Variants in PTPN11 observed in about 807,000 individuals in gnomAD.
The protein encoded by PTPN11 is tyrosine-protein phosphatase non-receptor type 11.
In PTPN11, 6 loss-of-function variants were observed where a neutral mutation model predicts 78.8. That is an observed-to-expected ratio of 0.08 (90% CI 0.04 to 0.15). The LOEUF is 0.15. Among genes scored for constraint, PTPN11 ranks in the 10% least tolerant of loss-of-function variants. The pLI, the probability that PTPN11 is intolerant of heterozygous loss-of-function variation, is 1.00. For missense variants in PTPN11, 386 were observed against 744.8 expected, an observed-to-expected ratio of 0.52 and a Z score of 5.61; for synonymous variants, 221 against 263.5, an observed-to-expected ratio of 0.84 and a Z score of 1.56.
At position 112,482,229 on chromosome 12, in the gene PTPN11, A is replaced by C. The variant is rs1566183396; in HGVS notation, c.1224+24A>C. On this transcript the variant is annotated intron_variant, in intron 10 of 15. Coordinates refer to ENST00000351677, the MANE Select transcript of PTPN11 (RefSeq NM_002834.5). The surrounding 1 kb of genome is among the most constrained non-coding windows in gnomAD (Gnocchi z 4.4). Reference sequence around the variant, plus strand: ...AAGTAAGTATATTGTCGTATTCTAGAGACTTTGGGAACTGTTGATGGTGTG... The same window carrying C: ...AAGTAAGTATATTGTCGTATTCTAGCGACTTTGGGAACTGTTGATGGTGTG... The C allele has an allele frequency of 6.2e-7, 1 of 1,608,602 alleles. No homozygotes were observed. Among genetic ancestry groups the C allele is most frequent in the African/African-American group, 1.3e-5 (1 of 74,772 alleles).
intron 1 of PTPN11, among the ~76,000 whole-genome samples, chr12:112,424,690 GA>G (rs1187346207): frequency 6.6e-6 from 1 of 151,514 alleles, no homozygotes; most frequent in African/African-American, 2.4e-5. Flanking sequence ...AAGCTGCTTG[GA>G]AAAAAAGGAT....
chr12:112,488,950 T>G, intron 12 of PTPN11, 74 bp from the exon 13 acceptor site: 1 of 1,577,026 alleles, frequency 6.3e-7, no homozygotes, highest in Non-Finnish European at 8.7e-7. Flanking sequence ...CTGAGTCCAC[T>G]AAAAGTTGTG....
chr12:112,436,320 C>A (rs969384163), intron 1 of PTPN11, among the ~76,000 whole-genome samples: 1 of 152,004 alleles, frequency 6.6e-6, no homozygotes, highest in Non-Finnish European at 1.5e-5. Context: ...GTTTTAAATG[C>A]TTTATATGCT....
Position 112,419,276 on chromosome 12 carries a change from C to T in PTPN11, c.14+151C>T, listed in dbSNP as rs1295525241. 8.0e-6 allele frequency: 6 copies of T among 752,464 alleles called. No individual in the cohort carries two copies. In the East Asian group the frequency reaches 2.2e-4, roughly 27 times the overall value. The allele number at this position is 752,464 out of a possible 1,614,324, so 46.6% of individuals were successfully genotyped here. On this transcript the variant is annotated intron_variant, in intron 1 of 15. Transcript: ENST00000351677. ...GGTTCCCTCCTCGTCCCCTCGCCCTCCAGGGGCCGGGGGCCGGCCCCACCG... is the reference window on the plus strand; with the variant it reads ...GGTTCCCTCCTCGTCCCCTCGCCCTTCAGGGGCCGGGGGCCGGCCCCACCG...
intron 6 of PTPN11, among the ~76,000 whole-genome samples, chr12:112,456,295 G>A (rs964229056): frequency 1.5e-4 from 23 of 152,228 alleles, no homozygotes; most frequent in African/African-American, 5.5e-4. Context: ...TGTGCTAGCC[G>A]CTCCATTTGG....
At chr12:112,487,588 C>T (rs1438570337) in intron 11 of PTPN11, among the ~76,000 whole-genome samples, 1 of 152,082 alleles carries the variant, frequency 6.6e-6, no homozygotes, top group Non-Finnish European at 1.5e-5. Context: ...CCAGTTTGGG[C>T]TTCATGATTA....
rs768805690 is a variant in PTPN11 at position 112,504,748 on chromosome 12, A to G, written c.1766A>G (p.Gln589Arg). ...VYENVGLMQQ[Q>R]KSFR is the part of the protein sequence containing the mutation. The stretch of plus-strand genomic sequence containing the variant: ...GAAAACGTGGGCCTGATGCAACAGC[A>G]GAAAAGTTTCAGATGAGAAAACCTG... The change falls in exon 15 of 16, where the codon CAG (glutamine) becomes CGG (arginine). Residue 589 changes from glutamine (Q) to arginine (R), a missense_variant. Physicochemically the swap from Gln to Arg is conservative, Grantham distance 43 (BLOSUM62 1). Coordinates refer to ENST00000351677, the MANE Select transcript of PTPN11 (RefSeq NM_002834.5). This position sits in a 1 kb window ranked among gnomAD's most constrained non-coding sequence, Gnocchi z 4.7. The G allele has an allele frequency of 6.3e-7, 1 of 1,588,654 alleles. No homozygotes were observed. Among genetic ancestry groups the G allele is most frequent in the South Asian group, 1.1e-5 (1 of 90,530 alleles).
intron 11 of PTPN11, 157 bp downstream of exon 11, chr12:112,486,786 C>T (rs2038684750): frequency 1.3e-6 from 2 of 1,494,988 alleles, no homozygotes; most frequent in Admixed American, 2.1e-5. Context: ...ATTTTGATCC[C>T]AAGGCATATT....
chr12:112,419,223 C>A, intron 1 of PTPN11, 98 bp downstream of exon 1: 1 of 1,259,944 alleles, frequency 7.9e-7, no homozygotes, highest in Non-Finnish European at 1.0e-6. Flanking sequence ...GGGCTTCGGG[C>A]TCCCGCCCCG....
chr12:112,446,198 G>T (rs532541634), intron 1 of PTPN11, 78 bp from the exon 2 acceptor site: 3 of 1,573,010 alleles, frequency 1.9e-6, no homozygotes, highest in Non-Finnish European at 2.6e-6. Context: ...CTCATAATGC[G>T]TCTTAGCTGT....
intron 9 of PTPN11, among the ~76,000 whole-genome samples, chr12:112,480,146 G>C (rs1233959129): frequency 2.0e-5 from 3 of 152,082 alleles, no homozygotes; most frequent in Non-Finnish European, 4.4e-5. Context: ...TCTTTTCAGG[G>C]TCATGATTTA....
In PTPN11 at chr12:112,446,319, C is replaced by T; in HGVS notation, c.58C>T (p.Leu20=). 1 of 1,614,060 alleles carries T rather than the reference C, an allele frequency of 6.2e-7. No individual in the cohort carries two copies. Among genetic ancestry groups the T allele is most frequent in the South Asian group, 1.1e-5 (1 of 91,078 alleles). The part of the protein sequence containing the change: ...NITGVEAENL[L]LTRGVDGSFL... Reference sequence around the variant, plus strand: ...CACTGGTGTGGAGGCAGAAAACCTACTGTTGACAAGAGGAGTTGATGGCAG... The same window carrying T: ...CACTGGTGTGGAGGCAGAAAACCTATTGTTGACAAGAGGAGTTGATGGCAG... The change falls in exon 2 of 16, where the codon CTG becomes TTG. Residue 20 remains leucine, a synonymous_variant. Coordinates refer to ENST00000351677, the MANE Select transcript of PTPN11 (RefSeq NM_002834.5).
intron 1 of PTPN11, among the ~76,000 whole-genome samples, chr12:112,421,220 GTTTTA>G (rs1251363073): frequency 3.9e-5 from 6 of 152,130 alleles, no homozygotes; most frequent in East Asian, 1.9e-4. Flanking sequence ...TTATAAGCCT[GTTTTA>G]TTTGTTAACC....
intron 1 of PTPN11, among the ~76,000 whole-genome samples, chr12:112,427,863 G>A (rs1478013519): frequency 2.6e-5 from 4 of 151,956 alleles, no homozygotes; most frequent in African/African-American, 9.7e-5. Context: ...TGATCCTCTT[G>A]CCTCAGCCTC....
At chr12:112,492,133 G>C (rs781779469) in intron 13 of PTPN11, among the ~76,000 whole-genome samples, 3 of 152,186 alleles carry the variant, frequency 2.0e-5, no homozygotes, top group Non-Finnish European at 4.4e-5. Flanking sequence ...GTTTGGATTT[G>C]TCCAGTGTTT....
At chr12:112,441,634 G>C (rs1245727768) in intron 1 of PTPN11, among the ~76,000 whole-genome samples, 1 of 152,142 alleles carries the variant, frequency 6.6e-6, no homozygotes, top group Non-Finnish European at 1.5e-5. Flanking sequence ...TCACTTGATT[G>C]TCAGTACTAG....
Position 112,506,310 on chromosome 12 carries a change from T to C in PTPN11, c.*518T>C, listed in dbSNP as rs2038934661. 2 of 152,234 alleles carry C rather than the reference T, an allele frequency of 1.3e-5. No individual in the cohort carries two copies. 9.4% of individuals were successfully genotyped at this position (152,234 alleles called of 1,614,324 possible). ...GTAGTGGATAATTCATTTTGATGGCTTCTATTTTTGGCCAAATGAGAATTA... is the reference window on the plus strand; with the variant it reads ...GTAGTGGATAATTCATTTTGATGGCCTCTATTTTTGGCCAAATGAGAATTA... On this transcript the variant is annotated 3_prime_UTR_variant, in exon 16 of 16. Transcript: ENST00000351677.
At chr12:112,468,778 C>T (rs1041370707) in intron 6 of PTPN11, among the ~76,000 whole-genome samples, 4 of 152,122 alleles carry the variant, frequency 2.6e-5, no homozygotes, top group Non-Finnish European at 2.9e-5. Context: ...ATAAGGAAAG[C>T]GCAGGACAGG....
chr12:112,494,987 G>A (rs2038796395), intron 13 of PTPN11, among the ~76,000 whole-genome samples: 1 of 152,124 alleles, frequency 6.6e-6, no homozygotes, highest in Non-Finnish European at 1.5e-5. Flanking sequence ...GTGTTTGGTA[G>A]GTTAGATATG....
Sources: gnomAD v4.1 joint callset for allele counts (sites outside exome capture counted in the v4.1 genomes callset) on GRCh38, gnomAD v4.1.1 for gene constraint, Gnocchi (gnomAD v3.1) non-coding constraint, MANE v1.5 for transcripts, NCBI Gene and HGNC (gene_info 2026-07-23, HGNC 2026-07-21) for gene names.